Variants in MTSS2 observed in about 807,000 individuals in gnomAD.
MTSS2 encodes MTSS I-BAR domain containing 2.
Under a neutral mutation model 67.1 loss-of-function variants are expected in MTSS2, and 27 were observed. The observed-to-expected ratio is 0.40, with a 90% CI of 0.30 to 0.55. MTSS2 has a LOEUF of 0.55. Ranked by LOEUF, MTSS2 falls within the 20% of genes least tolerant of loss-of-function variation. The pLI is 0.43. For missense variants in MTSS2, 1,171 were observed against 1,067.8 expected (o/e 1.10, Z -1.35); for synonymous variants, 624 against 468.6 (o/e 1.33, Z -4.28).
At chr16:70,682,764 T>G (rs58623884) in intron 1 of MTSS2, among the ~76,000 whole-genome samples, 3,650 of 151,660 alleles carry the variant, frequency 0.024, 159 homozygotes, top group African/African-American at 0.082. Context: ...AAATAAGAGA[T>G]AGGGCTCCAG....
intron 14 of MTSS2, 28 bp from the exon 15 acceptor site, chr16:70,664,477 A>G: frequency 6.5e-7 from 1 of 1,541,204 alleles, no homozygotes; most frequent in Non-Finnish European, 8.8e-7. Flanking sequence ...AGTGAGGCCC[A>G]GGGCCCAGGT....
At position 70,665,050 on chromosome 16, in the gene MTSS2, A is replaced by T. The variant is rs2151908884; in HGVS notation, c.1175T>A (p.Leu392Gln). 2 of 1,597,864 alleles carry T rather than the reference A, an allele frequency of 1.3e-6. No individual in the cohort carries two copies. Among genetic ancestry groups the T allele is most frequent in the Non-Finnish European group, 8.5e-7 (1 of 1,179,720 alleles). Residue 392 changes from leucine (L) to glutamine (Q), a missense_variant, in exon 13 of 15, where the codon CTG becomes CAG. This residue lies in a region of MTSS2 where 924 missense variants were observed against 756.0 expected (regional missense o/e 1.22). Coordinates refer to ENST00000338779, the MANE Select transcript of MTSS2 (RefSeq NM_138383.3). ...CTCCACTCGGTCCTTCCTCCGCTGC[A>T]GAGTGGCGCCTGAGGGCTGCTCATG... The part of the protein sequence containing the change: ...GSHEQPSGAT[L>Q]QRRKDRVELL...
chr16:70,678,404 C>T lies in MTSS2; in HGVS notation c.472G>A (p.Gly158Arg). 6.2e-7 allele frequency: 1 copy of T among 1,609,962 alleles called. No homozygotes were observed. The highest frequency in any genetic ancestry group is 2.2e-5 in the East Asian group (1 of 44,836). The change falls in exon 8 of 15, where the codon GGA becomes AGA. Residue 158 changes from glycine to arginine, a missense_variant. Coordinates refer to ENST00000338779, the MANE Select transcript of MTSS2 (RefSeq NM_138383.3). The part of the protein sequence containing the change: ...KKARKELLGK[G>R]DLQPQLDSAL... ...CTGTCCAGCTGGGGCTGCAGGTCTC[C>T]TTTCCCTGGAGGGGTGGGGAGGAGA... is the stretch of plus-strand genomic sequence containing the variant.
intron 11 of MTSS2, chr16:70,665,947 C>G (rs985758366): frequency 5.7e-6 from 1 of 176,434 alleles, no homozygotes; most frequent in East Asian, 1.6e-4. Flanking sequence ...CCGAGTGCCA[C>G]GCTGAGCACT....
chr16:70,667,314 G>C (rs1452058611), intron 11 of MTSS2, among the ~76,000 whole-genome samples: 1 of 124,174 alleles, frequency 8.1e-6, no homozygotes, highest in East Asian at 2.2e-4. Flanking sequence ...CTATTTACAA[G>C]TAACATAATA....
At chr16:70,684,531 C>A (rs1199959857) in intron 1 of MTSS2, among the ~76,000 whole-genome samples, 1 of 152,206 alleles carries the variant, frequency 6.6e-6, no homozygotes, top group African/African-American at 2.4e-5. Flanking sequence ...ACCCCCACCC[C>A]TCACGGGGCC....
intron 11 of MTSS2, among the ~76,000 whole-genome samples, chr16:70,670,493 G>T (rs571411909): frequency 5.3e-5 from 8 of 152,108 alleles, no homozygotes; most frequent in Non-Finnish European, 1.0e-4. Context: ...CAAAAAACTG[G>T]AAACTATGCA....
Position 70,664,256 on chromosome 16 carries a change from C to A in MTSS2, c.1665G>T (p.Ser555=). The change falls in exon 15 of 15, where the codon TCG becomes TCT. Residue 555 remains serine (S), a synonymous_variant. Coordinates refer to ENST00000338779, the MANE Select transcript of MTSS2 (RefSeq NM_138383.3). ...TGGTGGCCACGCCGGGGGGTGCGCC[C>A]GAGGGCAGGCCAGTGGCCGTGGGCA... is the stretch of plus-strand genomic sequence containing the variant. ...AGLPTATGLP[S]GAPPGVATIR... 6.4e-7 allele frequency: 1 copy of A among 1,560,148 alleles called. No homozygotes were observed. The highest frequency in any genetic ancestry group is 8.6e-7 in the Non-Finnish European group (1 of 1,159,860).
chr16:70,667,278 C>CA (rs34779308), intron 11 of MTSS2, among the ~76,000 whole-genome samples: 9,397 of 69,676 alleles, frequency 0.13, 1,105 homozygotes, highest in South Asian at 0.27. Context: ...GACTCTGTCT[C>CA]AAAAAAAAAA....
rs761683947 is a variant in MTSS2 at position 70,661,350 on chromosome 16, G to GAAAC, written c.*2323_*2326dup. On this transcript the variant is annotated 3_prime_UTR_variant, in exon 15 of 15. Transcript: ENST00000338779. ...TTTCCAAAATCTGACGGAAAGAAAA[G>GAAAC]AAACAAATGGTTCAGATGGGACGGA... 6.2e-4 allele frequency: 243 copies of GAAAC among 389,966 alleles called. 1 individual carries two copies. The highest frequency in any genetic ancestry group is 3.9e-3 in the South Asian group (233 of 59,986). 24.2% of individuals were successfully genotyped at this position (389,966 alleles called of 1,614,324 possible).
rs747666973 is a variant in MTSS2, at chr16:70,680,009, G to C, written c.252C>G (p.Arg84=). ...IGSALTRMCM[R]HRSIETKLRQ... is the part of the protein sequence containing the mutation. ...GCAGCTTGGTCTCGATGCTGCGGTG[G>C]CGCATGCACATGCGTGTGAGCGCCG... Residue 84 remains arginine (R), a synonymous_variant, in exon 4 of 15, where the codon CGC becomes CGG. Transcript: ENST00000338779. 6.5e-7 allele frequency: 1 copy of C among 1,542,492 alleles called. No homozygotes were observed. The highest frequency in any genetic ancestry group is 8.7e-7 in the Non-Finnish European group (1 of 1,153,068).
chr16:70,666,825 A>T (rs1011977760), intron 11 of MTSS2, among the ~76,000 whole-genome samples: 1 of 152,268 alleles, frequency 6.6e-6, no homozygotes, highest in African/African-American at 2.4e-5. Context: ...AAAGGAAGCT[A>T]ATCTGATAAA....
intron 11 of MTSS2, among the ~76,000 whole-genome samples, chr16:70,671,608 A>T (rs1339161889): frequency 1.3e-5 from 2 of 152,234 alleles, no homozygotes; most frequent in East Asian, 1.9e-4. Context: ...TATTTTAACA[A>T]GCAAGAATCA....
At position 70,674,341 on chromosome 16, in the gene MTSS2, G is replaced by T. The variant is rs753297684; in HGVS notation, c.1018C>A (p.Pro340Thr). ...ATGTCTGAAGGCATAGGCGAGGGGG[G>T]CTTGGAGTAGGTGGCGTCCTGGGAG... ...FVSQDATYSK[P>T]PSPMPSDITS... Residue 340 changes from proline (P) to threonine (T), a missense_variant, in exon 11 of 15, where the codon CCC becomes ACC. Transcript: ENST00000338779. 6.2e-7 allele frequency: 1 copy of T among 1,614,018 alleles called. No individual in the cohort carries two copies. The highest frequency in any genetic ancestry group is 8.5e-7 in the Non-Finnish European group (1 of 1,180,002).
rs374034863 is a variant in MTSS2, at chr16:70,681,065, G to A, written c.70-40C>T. 7.5e-5 allele frequency: 118 copies of A among 1,577,768 alleles called. No homozygotes were observed. In the Middle Eastern group the frequency reaches 1.0e-3, roughly 13 times the overall value. ...GGAGAGAAAGTGAGCTTCTTGTGGG[G>A]TGGTTGCAGGGCTTGACCTGGGCCG... On this transcript the variant is annotated intron_variant, in intron 1 of 14. Transcript: ENST00000338779.
Position 70,674,349 on chromosome 16 carries a change from T to C in MTSS2, c.1010A>G (p.Tyr337Cys). The C allele has an allele frequency of 6.2e-7, 1 of 1,613,576 alleles. No homozygotes were observed. Among genetic ancestry groups the C allele is most frequent in the South Asian group, 1.1e-5 (1 of 91,032 alleles). ...DSGFVSQDAT[Y>C]SKPPSPMPSD... ...AGGCATAGGCGAGGGGGGCTTGGAG[T>C]AGGTGGCGTCCTGGGAGACGAAGCC... Residue 337 changes from tyrosine to cysteine, a missense_variant, in exon 11 of 15, where the codon TAC (tyrosine) becomes TGC (cysteine). Tyr to Cys is a radical substitution (Grantham distance 194). Transcript: ENST00000338779.
chr16:70,678,194 G>A, intron 8 of MTSS2, 58 bp downstream of exon 8: 1 of 1,535,442 alleles, frequency 6.5e-7, no homozygotes, highest in Non-Finnish European at 8.7e-7. Flanking sequence ...TTGGAGGTCA[G>A]AAGGTCAACC....
chr16:70,663,485 G>T lies in MTSS2; in HGVS notation c.*192C>A. The T allele has an allele frequency of 8.9e-7, 1 of 1,119,510 alleles. No homozygotes were observed. The highest frequency in any genetic ancestry group is 1.2e-6 in the Non-Finnish European group (1 of 821,304). The allele number at this position is 1,119,510 out of a possible 1,614,324, so 69.3% of individuals were successfully genotyped here. A position where few individuals can be genotyped will look rare whatever the true frequency, so the allele number is the denominator to read the frequency against. On this transcript the variant is annotated 3_prime_UTR_variant, in exon 15 of 15. Coordinates refer to ENST00000338779, the MANE Select transcript of MTSS2 (RefSeq NM_138383.3). ...GCCCAGGCCTGCAGGCTCCGTCCTG[G>T]CCAGGCTTGCTAAGAAGTCACTTCC...
At chr16:70,679,092 C>T (rs562190649) in intron 7 of MTSS2, among the ~76,000 whole-genome samples, 1 of 152,280 alleles carries the variant, frequency 6.6e-6, no homozygotes, top group South Asian at 2.1e-4. Context: ...CCAACCCCTC[C>T]TGGCCTGGCA....
Sources: gnomAD v4.1 joint callset for allele counts (sites outside exome capture counted in the v4.1 genomes callset) on GRCh38, gnomAD v4.1.1 for gene constraint, gnomAD v4.1.1 regional missense constraint, MANE v1.5 for transcripts, NCBI Gene and HGNC (gene_info 2026-07-23, HGNC 2026-07-21) for gene names.